CDKN3: variants seen among roughly 807,000 people sequenced by gnomAD.
The protein encoded by CDKN3 is cyclin-dependent kinase inhibitor 3.
Under a neutral mutation model 36.1 loss-of-function variants are expected in CDKN3, and 19 were observed. That is an observed-to-expected ratio of 0.53 (90% CI 0.37 to 0.77). CDKN3 has a LOEUF of 0.77. Among genes scored for constraint, CDKN3 ranks in the 30% least tolerant of loss-of-function variants. The pLI is 0.00. For missense variants in CDKN3, 188 were observed against 248.6 expected, an observed-to-expected ratio of 0.76 and a Z score of 1.64; for synonymous variants, 71 against 85.3, an observed-to-expected ratio of 0.83 and a Z score of 0.92.
chr14:54,418,482 T>G, intron 7 of CDKN3: 1 of 548,358 alleles, frequency 1.8e-6, no homozygotes, highest in Non-Finnish European at 3.2e-6. Flanking sequence ...CCCCTAACAC[T>G]TCAAAACACT....
chr14:54,404,875 C>T (rs899582881), intron 3 of CDKN3, among the ~76,000 whole-genome samples: 5 of 152,178 alleles, frequency 3.3e-5, no homozygotes, highest in African/African-American at 7.2e-5. Flanking sequence ...CCACCGCACC[C>T]GGCTTGATCT....
At position 54,415,891 on chromosome 14, in the gene CDKN3, C is replaced by T. The variant is rs757239409; in HGVS notation, c.417-8C>T. The T allele has an allele frequency of 5.6e-6, 9 of 1,599,560 alleles. No homozygotes were observed. Among genetic ancestry groups the T allele is most frequent in the Middle Eastern group, 3.3e-4 (2 of 6,046 alleles). Reference sequence around the variant, plus strand: ...TGTACAAACTTCAAAACTGTATTTCCCTTTCAGCTGCTATGGAGGACTTGG... The same window carrying T: ...TGTACAAACTTCAAAACTGTATTTCTCTTTCAGCTGCTATGGAGGACTTGG... On this transcript the variant is annotated splice_polypyrimidine_tract_variant and splice_region_variant and intron_variant, in intron 5 of 7. Transcript: ENST00000335183.
rs748279676 is a variant in CDKN3, at chr14:54,401,507, A to G, written c.93-17A>G. 12 of 1,593,044 alleles carry G rather than the reference A, an allele frequency of 7.5e-6. No individual in the cohort carries two copies. The highest frequency in any genetic ancestry group is 8.6e-6 in the Non-Finnish European group (10 of 1,165,848). ...TTAAAAACTTAACTAAACATGAAAA[A>G]TTTTTCTTCTTTTCAGGCTATCTTT... On this transcript the variant is annotated splice_polypyrimidine_tract_variant and intron_variant, in intron 2 of 7. Transcript: ENST00000335183.
chr14:54,405,412 G>A (rs1221532259), intron 3 of CDKN3, among the ~76,000 whole-genome samples: 3 of 152,028 alleles, frequency 2.0e-5, no homozygotes, highest in African/African-American at 2.4e-5. Context: ...TTTCTGTCTC[G>A]CTGATCTGTC....
At chr14:54,404,429 A>G (rs2030074564) in intron 3 of CDKN3, among the ~76,000 whole-genome samples, 1 of 150,326 alleles carries the variant, frequency 6.7e-6, no homozygotes, top group African/African-American at 2.5e-5. Context: ...TGTCTATTTG[A>G]TTCTTCTCTC....
chr14:54,412,755 G>T (rs2268332), intron 5 of CDKN3: 177,296 of 397,460 alleles, frequency 0.45, 40,394 homozygotes, highest in East Asian at 0.59. Flanking sequence ...GCAACAGAGA[G>T]CCAGCCATGG....
rs1594609035 is a variant in CDKN3 at position 54,415,940 on chromosome 14, A to G, written c.448+10A>G. On this transcript the variant is annotated intron_variant, in intron 6 of 7. Coordinates refer to ENST00000335183, the MANE Select transcript of CDKN3 (RefSeq NM_005192.4). ...GGGAGATCTTGTCTTGGTAAGAAAT[A>G]TATTTCTATTATTTTTTTAACCGCC... 5 of 1,575,738 alleles carry G rather than the reference A, an allele frequency of 3.2e-6. No individual in the cohort carries two copies. Among genetic ancestry groups the G allele is most frequent in the East Asian group, 2.2e-5 (1 of 44,686 alleles).
rs773592286 is a variant in CDKN3, at chr14:54,401,509, T to G, written c.93-15T>G. ...AAAAACTTAACTAAACATGAAAAAT[T>G]TTTCTTCTTTTCAGGCTATCTTTGT... On this transcript the variant is annotated splice_polypyrimidine_tract_variant and intron_variant, in intron 2 of 7. Transcript: ENST00000335183. 6.3e-7 allele frequency: 1 copy of G among 1,597,924 alleles called. No individual in the cohort carries two copies. Among genetic ancestry groups the G allele is most frequent in the African/African-American group, 1.3e-5 (1 of 74,476 alleles).
intron 1 of CDKN3, among the ~76,000 whole-genome samples, chr14:54,399,284 C>T (rs928079878): frequency 1.3e-5 from 2 of 152,100 alleles, no homozygotes; most frequent in Admixed American, 6.6e-5. Context: ...CCGCACCCTC[C>T]CTTTCCTATC....
chr14:54,419,261 A>G (rs2030650887), intron 7 of CDKN3, among the ~76,000 whole-genome samples: 1 of 152,180 alleles, frequency 6.6e-6, no homozygotes, highest in East Asian at 1.9e-4. Flanking sequence ...ATGAATATCC[A>G]TATGTTTTAC....
intron 5 of CDKN3, chr14:54,414,151 C>T (rs943175924): frequency 1.3e-5 from 2 of 154,594 alleles, no homozygotes; most frequent in Non-Finnish European, 2.9e-5. Flanking sequence ...TGCTCTAATT[C>T]GTCTTAACTT....
At chr14:54,398,024 G>C (rs936408297) in intron 1 of CDKN3, among the ~76,000 whole-genome samples, 1 of 152,130 alleles carries the variant, frequency 6.6e-6, no homozygotes, top group Non-Finnish European at 1.5e-5. Flanking sequence ...CCAGCTACTC[G>C]GGAGGCTGAG....
At chr14:54,413,449 C>T (rs568563679) in intron 5 of CDKN3, among the ~76,000 whole-genome samples, 86 of 150,586 alleles carry the variant, frequency 5.7e-4, no homozygotes, top group African/African-American at 2.0e-3. Flanking sequence ...TGAAGCTTAA[C>T]AAATTCTACT....
chr14:54,415,843 T>C (rs2030518616), intron 5 of CDKN3, 56 bp from the exon 6 acceptor site: 3 of 1,322,876 alleles, frequency 2.3e-6, no homozygotes, highest in Non-Finnish European at 3.3e-6. Context: ...AAGTCTTTAG[T>C]TGTAACTAGG....
chr14:54,407,849 G>A (rs985663850), intron 3 of CDKN3, among the ~76,000 whole-genome samples: 1 of 152,190 alleles, frequency 6.6e-6, no homozygotes, highest in African/African-American at 2.4e-5. Context: ...CTTTCCAGGG[G>A]AGTGAATGGT....
chr14:54,406,720 A>T lies in CDKN3; in HGVS notation c.149-2025A>T, dbSNP rs185365122. Among the ~76,000 whole-genome samples, 36 of 148,776 alleles carry T rather than the reference A, an allele frequency of 2.4e-4. No homozygotes were observed. The East Asian group carries it at 7.0e-3, about 29-fold the overall frequency. On this transcript the variant is annotated intron_variant, in intron 3 of 7. Coordinates refer to ENST00000335183, the MANE Select transcript of CDKN3 (RefSeq NM_005192.4). ...ATTTATGTTCTTCTCTAAACTGGTT[A>T]TTATAGTTAGCAGTTCCTCTAACCT...
At chr14:54,400,788 G>C (rs4251610) in intron 2 of CDKN3, among the ~76,000 whole-genome samples, 5,162 of 152,194 alleles carry the variant, frequency 0.034, 129 homozygotes, top group Middle Eastern at 0.054. Context: ...GATGCCTCCT[G>C]TTTTCCTTTA....
chr14:54,416,222 AGAGTAACTTCCAAATAGTTTCCAT>A (rs966563610), intron 6 of CDKN3, among the ~76,000 whole-genome samples: 5 of 152,158 alleles, frequency 3.3e-5, no homozygotes, highest in Non-Finnish European at 7.4e-5. Context: ...GTGTTATAAT[AGAGTAACTTCCAAATAGTTTCCAT>A]GGGTAACTAT....
At chr14:54,400,818 G>C (rs759372541) in intron 2 of CDKN3, among the ~76,000 whole-genome samples, 1 of 152,170 alleles carries the variant, frequency 6.6e-6, no homozygotes, top group Non-Finnish European at 1.5e-5. Context: ...CTGACATGCA[G>C]ACAAGGTGAG....
Sources: allele counts gnomAD v4.1 joint callset (sites outside exome capture counted in the v4.1 genomes callset), GRCh38; gene constraint gnomAD v4.1.1; transcripts MANE v1.5; gene names NCBI Gene and HGNC (gene_info 2026-07-23, HGNC 2026-07-21).